The following GLG1 variants were observed in gnomAD, a reference collection of about 807,000 sequenced individuals.
GLG1 encodes the protein golgi glycoprotein 1.
GLG1 carries 38 observed loss-of-function variants against 160.5 expected under a neutral mutation model. The ratio of observed to expected loss-of-function variants is 0.24; its 90% CI spans 0.18 to 0.31. The LOEUF (loss-of-function observed/expected upper bound fraction) is 0.31. GLG1 is among the 10% of genes least tolerant of loss of function. The pLI is 1.00. For synonymous variants in GLG1, 644 were observed against 543.4 expected (o/e 1.19, Z -2.57); for missense variants, 1,373 against 1,505.2 (o/e 0.91, Z 1.45).
At chr16:74,461,251 T>A (rs867776996) in intron 22 of GLG1, among the ~76,000 whole-genome samples, 3 of 149,696 alleles carry the variant, frequency 2.0e-5, no homozygotes, top group Non-Finnish European at 4.4e-5. Context: ...CACTGCAAGC[T>A]CTGCCTCCTG....
intron 8 of GLG1, among the ~76,000 whole-genome samples, chr16:74,489,567 T>C (rs903180381): frequency 6.6e-6 from 1 of 152,154 alleles, no homozygotes; most frequent in Admixed American, 6.5e-5. Context: ...GTCTCCTGAT[T>C]CATTTTTGGT....
chr16:74,483,064 G>T lies in GLG1; in HGVS notation c.1632C>A (p.His544Gln). Residue 544 changes from histidine to glutamine, a missense_variant, in exon 10 of 26, where the codon CAC becomes CAA. Physicochemically the swap from His to Gln is conservative, Grantham distance 24. Around this residue, in one of 4 missense-constraint regions of GLG1, gnomAD observed 386 missense variants for 388.5 expected, o/e 0.99. Coordinates refer to ENST00000422840, the MANE Select transcript of GLG1 (RefSeq NM_001145667.2). ...YTEKMVEDCE[H>Q]RLLELQYFIS... ...TGAAATACTGCAGCTCTAAGAGACG[G>T]TGTTCACAGTCTTCTACCATCTTCT... 3 of 1,610,346 alleles carry T rather than the reference G, an allele frequency of 1.9e-6. No homozygotes were observed. The highest frequency in any genetic ancestry group is 2.5e-6 in the Non-Finnish European group (3 of 1,176,714).
rs370136824 is a variant in GLG1, at chr16:74,465,626, T to C, written c.2667+50A>G. On this transcript the variant is annotated intron_variant, in intron 19 of 25. Transcript: ENST00000422840. The stretch of plus-strand genomic sequence containing the variant: ...GGAAGTTGCTGCCATTGTTTGTGCT[T>C]TGTTGTTTTGTTGTTCATCCGTGCT... 3.8e-6 allele frequency: 6 copies of C among 1,586,846 alleles called. No homozygotes were observed. The African/African-American group carries it at 6.8e-5, about 18-fold the overall frequency.
chr16:74,500,947 T>A (rs1306632624), intron 4 of GLG1, among the ~76,000 whole-genome samples: 2 of 152,180 alleles, frequency 1.3e-5, no homozygotes, highest in Non-Finnish European at 2.9e-5. Flanking sequence ...ATGACATTTA[T>A]GTGTTCATAC....
At chr16:74,464,178 C>G (rs2014914977) in intron 19 of GLG1, among the ~76,000 whole-genome samples, 1 of 152,114 alleles carries the variant, frequency 6.6e-6, no homozygotes, top group Admixed American at 6.5e-5. Flanking sequence ...GGTTCCCTAT[C>G]TAGAGGGTGA....
intron 17 of GLG1, chr16:74,468,120 T>C (rs2015065608): frequency 3.1e-6 from 1 of 320,686 alleles, no homozygotes; most frequent in Non-Finnish European, 5.6e-6. Context: ...AAAATCACTT[T>C]GGAAAGTCAA....
In GLG1 at chr16:74,570,453, G is replaced by A. The variant is rs538128532; in HGVS notation, c.438+36204C>T. Among the ~76,000 whole-genome samples the A allele has an allele frequency of 2.0e-5, 3 of 152,208 alleles. No individual in the cohort carries two copies. In the East Asian group the frequency reaches 5.8e-4, roughly 29 times the overall value. On this transcript the variant is annotated intron_variant, in intron 1 of 25. Coordinates refer to ENST00000422840, the MANE Select transcript of GLG1 (RefSeq NM_001145667.2). ...TAGCAAAAATGAAAGCCAAAAGACA[G>A]TGGAATAAAAAAAAATGCACTGAAA...
At position 74,542,438 on chromosome 16, in the gene GLG1, C is replaced by T. The variant is rs1364046026; in HGVS notation, c.439-10285G>A. On this transcript the variant is annotated intron_variant, in intron 1 of 25. Coordinates refer to ENST00000422840, the MANE Select transcript of GLG1 (RefSeq NM_001145667.2). ...ATTCCAGCACTTTCGGAGGCTGAGG[C>T]GGGCGGATCACCTGAGGTCAGGAGT... Among the ~76,000 whole-genome samples the T allele has an allele frequency of 4.6e-5, 7 of 151,988 alleles. No homozygotes were observed. The South Asian group carries it at 1.0e-3, about 23-fold the overall frequency.
chr16:74,531,260 G>A (rs1345199867), intron 2 of GLG1, among the ~76,000 whole-genome samples: 3 of 152,026 alleles, frequency 2.0e-5, no homozygotes, highest in Non-Finnish European at 4.4e-5. Context: ...TAATGTGATA[G>A]AGTGACTTTT....
At chr16:74,472,848 T>C (rs139718930) in intron 13 of GLG1, 2 of 321,452 alleles carry the variant, frequency 6.2e-6, no homozygotes, top group Non-Finnish European at 1.2e-5. Flanking sequence ...GGGGAACACA[T>C]ACTAATAATG....
At chr16:74,595,095 G>T (rs2143880817) in intron 1 of GLG1, among the ~76,000 whole-genome samples, 1 of 152,174 alleles carries the variant, frequency 6.6e-6, no homozygotes, top group East Asian at 1.9e-4. Context: ...GGCTGAGGCA[G>T]GAGAACGGCA....
In GLG1 at chr16:74,510,032, T is replaced by A. The variant is rs1425181355; in HGVS notation, c.472-1107A>T. Among the ~76,000 whole-genome samples the A allele has an allele frequency of 5.1e-4, 4 of 7,896 alleles. No individual in the cohort carries two copies. In the East Asian group the frequency reaches 6.8e-3, roughly 14 times the overall value. The allele number at this position is 7,896 out of a possible 152,430, so 5.2% of individuals were successfully genotyped here. ...TTGACACATACACTATAAGGTCTAC[T>A]TTTTTTTTTTTTTTTTGAGACAGAG... On this transcript the variant is annotated intron_variant, in intron 2 of 25. Coordinates refer to ENST00000422840, the MANE Select transcript of GLG1 (RefSeq NM_001145667.2).
Position 74,504,596 on chromosome 16 carries a change from G to A in GLG1, c.559-850C>T, listed in dbSNP as rs912767577. 1.3e-5 allele frequency among the ~76,000 whole-genome samples: 2 copies of A among 152,142 alleles called. 1 individual carries two copies. Among genetic ancestry groups the A allele is most frequent in the Admixed American group, 1.3e-4 (2 of 15,270 alleles). On this transcript the variant is annotated intron_variant, in intron 3 of 25. Coordinates refer to ENST00000422840, the MANE Select transcript of GLG1 (RefSeq NM_001145667.2). ...AGCCACCTCACCTGGCCTACTTCTTGACATGACATTAATGTGTTCTAAATT... is the reference window on the plus strand; with the variant it reads ...AGCCACCTCACCTGGCCTACTTCTTAACATGACATTAATGTGTTCTAAATT...
At chr16:74,574,366 C>T (rs145905827) in intron 1 of GLG1, among the ~76,000 whole-genome samples, 113 of 152,300 alleles carry the variant, frequency 7.4e-4, no homozygotes, top group Non-Finnish European at 1.4e-3. Flanking sequence ...AAAGACCAGA[C>T]TGCAGGCCAT....
At chr16:74,547,233 TCCTTA>T (rs1423611807) in intron 1 of GLG1, among the ~76,000 whole-genome samples, 1 of 151,136 alleles carries the variant, frequency 6.6e-6, no homozygotes, top group Non-Finnish European at 1.5e-5. Context: ...ATCGATCTTT[TCCTTA>T]CTTTACCAAT....
chr16:74,590,969 A>C (rs559129840), intron 1 of GLG1, among the ~76,000 whole-genome samples: 1 of 151,976 alleles, frequency 6.6e-6, no homozygotes, highest in South Asian at 2.1e-4. Context: ...AAATTAAAAT[A>C]TAAAAATATG....
chr16:74,519,349 G>C (rs991256614), intron 2 of GLG1, among the ~76,000 whole-genome samples: 26 of 151,472 alleles, frequency 1.7e-4, no homozygotes, highest in African/African-American at 6.1e-4. Context: ...TGGGGGGCTA[G>C]GGGAGGGATA....
At chr16:74,528,886 T>G (rs9888755) in intron 2 of GLG1, among the ~76,000 whole-genome samples, 87,053 of 145,570 alleles carry the variant, frequency 0.6, 26,453 homozygotes, top group African/African-American at 0.63. Context: ...TTCGTTGAAT[T>G]TATGGGTTAA....
chr16:74,516,636 A>AT (rs1156668579), intron 2 of GLG1, among the ~76,000 whole-genome samples: 3 of 152,240 alleles, frequency 2.0e-5, no homozygotes, highest in African/African-American at 7.2e-5. Context: ...TAACATCATA[A>AT]TTAAAAGAAC....
Sources: gnomAD v4.1 joint callset for allele counts (sites outside exome capture counted in the v4.1 genomes callset) on GRCh38, gnomAD v4.1.1 for gene constraint, gnomAD v4.1.1 regional missense constraint, MANE v1.5 for transcripts, NCBI Gene and HGNC (gene_info 2026-07-23, HGNC 2026-07-21) for gene names.